Variants in SLC24A1 observed in about 807,000 individuals in gnomAD.
SLC24A1 encodes sodium/potassium/calcium exchanger 1.
SLC24A1 carries 52 observed loss-of-function variants against 88.1 expected under a neutral mutation model. The observed-to-expected ratio is 0.59, with a 90% confidence interval of 0.47 to 0.74. SLC24A1 has a LOEUF of 0.74. Ranked by LOEUF, SLC24A1 falls within the 30% of genes least tolerant of loss-of-function variation. SLC24A1 has a pLI of 0.00. For synonymous variants in SLC24A1, 455 were observed against 498.0 expected (o/e 0.91, Z 1.15); for missense variants, 1,173 against 1,363.3 (o/e 0.86, Z 2.20).
At position 65,625,358 on chromosome 15, in the gene SLC24A1, G is replaced by T; in HGVS notation, c.1278G>T (p.Val426=). 1 of 1,614,016 alleles carries T rather than the reference G, an allele frequency of 6.2e-7. No individual in the cohort carries two copies. Among genetic ancestry groups the T allele is most frequent in the Admixed American group, 1.7e-5 (1 of 60,024 alleles). ...AGGAGCTCAGTCCTAGTCCCTCAGT[G>T]CTGCCTCCCAGCTTGCCAGACCTCC... ...LPEELSPSPS[V]LPPSLPDLHP... Residue 426 remains valine (V), a synonymous_variant, in exon 2 of 10, where the codon GTG becomes GTT. Transcript: ENST00000261892.
At chr15:65,642,171 T>A (rs1487586465) in intron 4 of SLC24A1, among the ~76,000 whole-genome samples, 1 of 152,194 alleles carries the variant, frequency 6.6e-6, no homozygotes, top group African/African-American at 2.4e-5. Flanking sequence ...AGGGCCTTTG[T>A]TCCCCAGGCT....
At chr15:65,635,212 C>A (rs561707712) in intron 2 of SLC24A1, among the ~76,000 whole-genome samples, 2 of 151,828 alleles carry the variant, frequency 1.3e-5, no homozygotes, top group African/African-American at 2.4e-5. Context: ...TGGCCAGGCG[C>A]AGTGGCTCAC....
At chr15:65,653,710 T>A in intron 9 of SLC24A1, 120 bp from the exon 10 acceptor site, 3 of 997,374 alleles carry the variant, frequency 3.0e-6, no homozygotes, top group Non-Finnish European at 4.5e-6. Flanking sequence ...TAATAATTTC[T>A]GTTCACTTCA....
intron 2 of SLC24A1, among the ~76,000 whole-genome samples, chr15:65,614,970 C>G (rs2074089457): frequency 6.6e-6 from 1 of 152,220 alleles, no homozygotes; most frequent in Non-Finnish European, 1.5e-5. Flanking sequence ...GCTCTCAGCT[C>G]TTCGGGAGGC....
chr15:65,638,283 G>A, intron 3 of SLC24A1, 102 bp downstream of exon 3: 3 of 862,624 alleles, frequency 3.5e-6, no homozygotes, highest in Non-Finnish European at 5.7e-6. Context: ...CCCTGGCTGT[G>A]CTCAGGCCTA....
chr15:65,644,646 G>GT (rs906767364), intron 5 of SLC24A1, 133 bp downstream of exon 5: 1 of 642,950 alleles, frequency 1.6e-6, no homozygotes, highest in Non-Finnish European at 2.8e-6. Flanking sequence ...GAGCCAGTCA[G>GT]TTAGAGTGAT....
chr15:65,614,874 C>G (rs2074085262), intron 2 of SLC24A1, among the ~76,000 whole-genome samples: 1 of 152,140 alleles, frequency 6.6e-6, no homozygotes, highest in Admixed American at 6.6e-5. Context: ...TTGGTAGATA[C>G]TACATTTCTC....
chr15:65,642,269 A>G (rs1218766681), intron 4 of SLC24A1, among the ~76,000 whole-genome samples: 2 of 152,112 alleles, frequency 1.3e-5, no homozygotes, highest in Admixed American at 6.5e-5. Flanking sequence ...AGCTCTTTCC[A>G]CAGAGCTGAT....
chr15:65,650,467 G>A lies in SLC24A1; in HGVS notation c.2318G>A (p.Ser773Asn), dbSNP rs779970058. Residue 773 changes from serine to asparagine, a missense_variant, in exon 7 of 10, where the codon AGT (serine) becomes AAT (asparagine). Physicochemically the swap from Ser to Asn is conservative, Grantham distance 46 (BLOSUM62 1). Transcript: ENST00000261892. This position sits in a 1 kb window ranked among gnomAD's most constrained non-coding sequence, Gnocchi z 4.1. ...TAGEGETEEK[S>N]GGETQPEGEG... The stretch of plus-strand genomic sequence containing the variant: ...GGTGAAGGTGAAACTGAAGAGAAAA[G>A]TGGAGGTGAAACTCAACCAGAAGGT... 2 of 1,551,734 alleles carry A rather than the reference G, an allele frequency of 1.3e-6. No homozygotes were observed. The highest frequency in any genetic ancestry group is 1.7e-6 in the Non-Finnish European group (2 of 1,146,994).
rs2075603180 is a variant in SLC24A1 at position 65,654,227 on chromosome 15, A to G, written c.*148A>G. ...TCTGATATGAATGTGATCTGAGACT[A>G]AAGTTTGTCCTTGGAAACACCTGCA... On this transcript the variant is annotated 3_prime_UTR_variant, in exon 10 of 10. Coordinates refer to ENST00000261892, the MANE Select transcript of SLC24A1 (RefSeq NM_004727.3). 1 of 1,433,182 alleles carries G rather than the reference A, an allele frequency of 7.0e-7. No homozygotes were observed. Among genetic ancestry groups the G allele is most frequent in the Non-Finnish European group, 9.1e-7 (1 of 1,099,016 alleles). 88.8% of individuals were successfully genotyped at this position (1,433,182 alleles called of 1,614,324 possible). A position where few individuals can be genotyped will look rare whatever the true frequency, so the allele number is the denominator to read the frequency against.
chr15:65,639,620 G>C lies in SLC24A1; in HGVS notation c.1970G>C (p.Ser657Thr), dbSNP rs751251052. 8.7e-6 allele frequency: 14 copies of C among 1,611,706 alleles called. No individual in the cohort carries two copies. In the South Asian group the frequency reaches 1.5e-4, roughly 18 times the overall value. ...CTCCCGTCCTTGCTGACCCGAGGGA[G>C]CAGCTCGACCTCTCTGCACAACAGC... ...LKLPSLLTRGSSSTSLHNSTI... is the reference protein window; with the variant it reads ...LKLPSLLTRGTSSTSLHNSTI... Residue 657 changes from serine (S) to threonine (T), a missense_variant, in exon 4 of 10, where the codon AGC (serine) becomes ACC (threonine). Ser to Thr is a moderately conservative substitution (Grantham distance 58). Transcript: ENST00000261892.
Position 65,649,256 on chromosome 15 carries a change from C to T in SLC24A1, c.2233-1126C>T, listed in dbSNP as rs922126391. On this transcript the variant is annotated intron_variant, in intron 6 of 9. Coordinates refer to ENST00000261892, the MANE Select transcript of SLC24A1 (RefSeq NM_004727.3). ...CTAGGATTACAGGCGCCTGCCACCG[C>T]GCCCAGCTAATTTTTGTATTTTTAG... 5.3e-5 allele frequency among the ~76,000 whole-genome samples: 8 copies of T among 152,204 alleles called. No individual in the cohort carries two copies. In the South Asian group the frequency reaches 6.2e-4, roughly 12 times the overall value.
chr15:65,659,322 GTT>G (rs869058369), downstream of SLC24A1: 1 of 71,600 alleles, frequency 1.4e-5, no homozygotes, highest in African/African-American at 7.7e-5. Flanking sequence ...ATATTTTCTG[GTT>G]TTTTTTTTTT....
At chr15:65,634,819 AAG>A (rs1244813619) in intron 2 of SLC24A1, among the ~76,000 whole-genome samples, 1 of 151,738 alleles carries the variant, frequency 6.6e-6, no homozygotes, top group Non-Finnish European at 1.5e-5. Flanking sequence ...AAAGAAAAAA[AAG>A]AAAAAAAGAG....
rs1413343350 is a variant in SLC24A1 at position 65,655,245 on chromosome 15, C to T, written c.*1166C>T. On this transcript the variant is annotated 3_prime_UTR_variant, in exon 10 of 10. Coordinates refer to ENST00000261892, the MANE Select transcript of SLC24A1 (RefSeq NM_004727.3). Reference sequence around the variant, plus strand: ...GAGTCCAAAGTCAGTAGCGCCACATCTGGTTTATAAAGTAAGAGATCCAGT... The same window carrying T: ...GAGTCCAAAGTCAGTAGCGCCACATTTGGTTTATAAAGTAAGAGATCCAGT... 6.8e-5 allele frequency: 67 copies of T among 985,522 alleles called. No homozygotes were observed. The highest frequency in any genetic ancestry group is 7.7e-5 in the Non-Finnish European group (64 of 830,004). 61.0% of individuals were successfully genotyped at this position (985,522 alleles called of 1,614,324 possible).
Position 65,654,156 on chromosome 15 carries a change from A to G in SLC24A1, c.*77A>G, listed in dbSNP as rs2141740009. 4 of 1,546,476 alleles carry G rather than the reference A, an allele frequency of 2.6e-6. No individual in the cohort carries two copies. In the South Asian group the frequency reaches 5.1e-5, roughly 20 times the overall value. Reference sequence around the variant, plus strand: ...TACTGTATCTCTTGTGACCCTAATGAAAGAATGTATATGATCCTGGAAAGT... The same window carrying G: ...TACTGTATCTCTTGTGACCCTAATGGAAGAATGTATATGATCCTGGAAAGT... On this transcript the variant is annotated 3_prime_UTR_variant, in exon 10 of 10. Transcript: ENST00000261892.
intron 2 of SLC24A1, among the ~76,000 whole-genome samples, chr15:65,627,085 C>T (rs553484922): frequency 3.9e-5 from 6 of 152,272 alleles, no homozygotes; most frequent in Admixed American, 3.3e-4. Flanking sequence ...AACTCAGCAA[C>T]GTGTCTGTGA....
exon 1 of SLC24A1, chr15:65,611,659 C>T (rs976926229): frequency 6.2e-6 from 1 of 161,126 alleles, no homozygotes; most frequent in African/African-American, 2.4e-5. Context: ...TCCTGAACTA[C>T]AAATCCTGGC....
At chr15:65,652,009 G>A (rs546259553) in intron 8 of SLC24A1, 3 of 483,596 alleles carry the variant, frequency 6.2e-6, no homozygotes, top group East Asian at 4.4e-5. Context: ...AGCTGAACTT[G>A]GCTTATTAGC....
Sources: allele counts gnomAD v4.1 joint callset (sites outside exome capture counted in the v4.1 genomes callset), GRCh38; gene constraint gnomAD v4.1.1; non-coding constraint Gnocchi (gnomAD v3.1); transcripts MANE v1.5; gene names NCBI Gene and HGNC (gene_info 2026-07-23, HGNC 2026-07-21).